Variants in PLAGL1 observed in about 807,000 individuals in gnomAD.
PLAGL1 encodes the protein zinc finger protein PLAGL1.
A neutral mutation model predicts 4.6 loss-of-function variants in PLAGL1; 1 was observed. The ratio of observed to expected loss-of-function variants is 0.22; its 90% CI spans 0.08 to 1.03. The LOEUF (loss-of-function observed/expected upper bound fraction) is 1.03. PLAGL1 is among the 50% of genes least tolerant of loss of function. The probability of loss-of-function intolerance (pLI) is 0.58; values close to 1 mark genes in which losing one functional copy is unlikely to be tolerated. For missense variants in PLAGL1, 464 were observed against 570.4 expected, an observed-to-expected ratio of 0.81 and a Z score of 1.90; for synonymous variants, 240 against 237.8, an observed-to-expected ratio of 1.01 and a Z score of -0.08.
chr6:143,980,376 C>G (rs1787653834), intron 2 of PLAGL1, among the ~76,000 whole-genome samples: 1 of 140,886 alleles, frequency 7.1e-6, no homozygotes, highest in Non-Finnish European at 1.5e-5. Context: ...ATGTGCTATT[C>G]ACTTTTTTCT....
chr6:144,030,975 G>A (rs538298368), intron 1 of PLAGL1, among the ~76,000 whole-genome samples: 35 of 152,130 alleles, frequency 2.3e-4, no homozygotes, highest in African/African-American at 7.0e-4. Flanking sequence ...TTACATTCCC[G>A]CCAACAATAT....
intron 7 of PLAGL1, among the ~76,000 whole-genome samples, chr6:143,946,654 G>A (rs957607834): frequency 2.0e-5 from 3 of 152,166 alleles, no homozygotes; most frequent in African/African-American, 7.2e-5. Flanking sequence ...ATTCTTTCAA[G>A]TGCCTTCCTC....
rs1798308250 is a variant in PLAGL1 at position 144,048,203 on chromosome 6, C to G, written c.-151+16265G>C. Among the ~76,000 whole-genome samples the G allele has an allele frequency of 6.6e-6, 1 of 152,230 alleles. No individual in the cohort carries two copies. Among genetic ancestry groups the G allele is most frequent in the African/African-American group, 2.4e-5 (1 of 41,464 alleles). ...TCTGTGGCTTTGCAGGGTACGGCCT[C>G]CCTCTTGGCTGCTTTCATGGGCTGG... On this transcript the variant is annotated intron_variant, in intron 1 of 3. Transcript: ENST00000437412. The surrounding 1 kb of genome is among the most constrained non-coding windows in gnomAD (Gnocchi z 4.8).
chr6:143,941,726 C>T lies in PLAGL1; in HGVS notation c.1090G>A (p.Glu364Lys). 1 of 1,614,210 alleles carries T rather than the reference C, an allele frequency of 6.2e-7. No homozygotes were observed. The highest frequency in any genetic ancestry group is 8.5e-7 in the Non-Finnish European group (1 of 1,180,028). Residue 364 changes from glutamate (E) to lysine (K), a missense_variant, in exon 8 of 8, where the codon GAG becomes AAG. Physicochemically the swap from Glu to Lys is moderately conservative, Grantham distance 56. Coordinates refer to ENST00000674357, the MANE Select transcript of PLAGL1 (RefSeq NM_001317162.2). The surrounding 1 kb of genome is among the most constrained non-coding windows in gnomAD (Gnocchi z 6.0). The part of the protein sequence containing the change: ...GNAGKVNLPK[E>K]LPADAVNLTI... ...AGGTTCACAGCATCTGCAGGCAGCT[C>T]CTTGGGCAGGTTTACTTTACCAGCA...
intron 1 of PLAGL1, among the ~76,000 whole-genome samples, chr6:144,054,301 A>G (rs1247050253): frequency 1.3e-5 from 2 of 152,230 alleles, no homozygotes; most frequent in South Asian, 2.1e-4. Flanking sequence ...TGTGTGTCGT[A>G]TGTTTATTGC....
In PLAGL1 at chr6:143,957,896, AT is replaced by A. The variant is rs1376814674; in HGVS notation, c.-325+2572del. On this transcript the variant is annotated intron_variant, in intron 6 of 7. Coordinates refer to ENST00000674357, the MANE Select transcript of PLAGL1 (RefSeq NM_001317162.2). This position sits in a 1 kb window ranked among gnomAD's most constrained non-coding sequence, Gnocchi z 4.2. ...GGATTTATAGATGACCTCATTGTTTATTTTTTGAATATCTGCACTTTCTAAA... is the reference window on the plus strand; with the variant it reads ...GGATTTATAGATGACCTCATTGTTTATTTTTGAATATCTGCACTTTCTAAA... Among the ~76,000 whole-genome samples, 2 of 152,212 alleles carry A rather than the reference AT, an allele frequency of 1.3e-5. No individual in the cohort carries two copies. The highest frequency in any genetic ancestry group is 1.3e-4 in the Admixed American group (2 of 15,284).
chr6:143,943,368 C>T (rs1779079422), intron 7 of PLAGL1, among the ~76,000 whole-genome samples: 1 of 152,084 alleles, frequency 6.6e-6, no homozygotes, highest in African/African-American at 2.4e-5. Flanking sequence ...GTTCCTAGTT[C>T]CTATGTTTCT....
chr6:144,007,118 T>C (rs929662794), intron 1 of PLAGL1: 3 of 152,224 alleles, frequency 2.0e-5, no homozygotes, highest in Non-Finnish European at 2.9e-5. Flanking sequence ...CTGTTAAATG[T>C]TCTTATCTAA....
In PLAGL1 at chr6:143,995,871, C is replaced by G. The variant is rs1233495233; in HGVS notation, c.-583-10697G>C. ...AATAATAAGTATTTCCATAAAATAC[C>G]TACATTACTGGCTATATTAATGGTG... On this transcript the variant is annotated intron_variant, in intron 1 of 7. Transcript: ENST00000674357. The surrounding 1 kb of genome is among the most constrained non-coding windows in gnomAD (Gnocchi z 4.4). Among the ~76,000 whole-genome samples the G allele has an allele frequency of 6.6e-6, 1 of 151,932 alleles. No individual in the cohort carries two copies. Among genetic ancestry groups the G allele is most frequent in the Non-Finnish European group, 1.5e-5 (1 of 67,994 alleles).
At chr6:144,057,401 T>G (rs1301101345) in intron 1 of PLAGL1, among the ~76,000 whole-genome samples, 1 of 152,190 alleles carries the variant, frequency 6.6e-6, no homozygotes, top group Non-Finnish European at 1.5e-5. Context: ...AAAATCACCT[T>G]TCTTCTCACC....
rs772859501 is a variant in PLAGL1, at chr6:143,941,559, C to T, written c.1257G>A (p.Gly419=). ...ESLPHRLSCL[G]QQQQEPPLAM... ...CAAGTGGGGGTTCTTGCTGCTGCTGCCCCAGACAGCTTAACCTGTGGGGCA... is the reference window on the plus strand; with the variant it reads ...CAAGTGGGGGTTCTTGCTGCTGCTGTCCCAGACAGCTTAACCTGTGGGGCA... The change falls in exon 8 of 8, where the codon GGG becomes GGA. Residue 419 remains glycine, a synonymous_variant. Transcript: ENST00000674357. The surrounding 1 kb of genome is among the most constrained non-coding windows in gnomAD (Gnocchi z 6.0). The T allele has an allele frequency of 1.3e-6, 2 of 1,585,742 alleles. No homozygotes were observed. Among genetic ancestry groups the T allele is most frequent in the East Asian group, 2.2e-5 (1 of 44,618 alleles).
At chr6:144,044,527 G>A (rs1206835104) in intron 1 of PLAGL1, among the ~76,000 whole-genome samples, 6 of 152,090 alleles carry the variant, frequency 3.9e-5, no homozygotes, top group African/African-American at 7.2e-5. Context: ...ATTTGATTGC[G>A]CTGTGGTCTG....
intron 1 of PLAGL1, among the ~76,000 whole-genome samples, chr6:144,003,171 GT>G (rs973483279): frequency 5.9e-5 from 9 of 152,042 alleles, no homozygotes; most frequent in African/African-American, 1.9e-4. Flanking sequence ...GAAAGGTGTT[GT>G]TTTTTTCAAT....
rs1796462473 is a variant in PLAGL1, at chr6:144,027,576, C to A, written c.-151+36892G>T. ...TCCCACCATCCTCCAGCACCAACTG[C>A]ACCCATGGAAAAGAACCTATAAAAG... is the stretch of plus-strand genomic sequence containing the variant. On this transcript the variant is annotated intron_variant, in intron 1 of 3. Coordinates refer to the PLAGL1 transcript ENST00000437412. This position sits in a 1 kb window ranked among gnomAD's most constrained non-coding sequence, Gnocchi z 5.8. Among the ~76,000 whole-genome samples, 1 of 152,194 alleles carries A rather than the reference C, an allele frequency of 6.6e-6. No homozygotes were observed. Among genetic ancestry groups the A allele is most frequent in the Non-Finnish European group, 1.5e-5 (1 of 68,034 alleles).
Position 143,983,074 on chromosome 6 carries a change from G to C in PLAGL1, c.-544+2061C>G, listed in dbSNP as rs1477989747. On this transcript the variant is annotated intron_variant, in intron 2 of 7. Coordinates refer to ENST00000674357, the MANE Select transcript of PLAGL1 (RefSeq NM_001317162.2). This position sits in a 1 kb window ranked among gnomAD's most constrained non-coding sequence, Gnocchi z 6.6. ...TGTGCTCAGGGACAGCCAATGTTTG[G>C]AGGTCAGGACAATGAGGATGTAACT... Among the ~76,000 whole-genome samples, 2 of 152,174 alleles carry C rather than the reference G, an allele frequency of 1.3e-5. No individual in the cohort carries two copies. Among genetic ancestry groups the C allele is most frequent in the African/African-American group, 4.8e-5 (2 of 41,436 alleles).
rs149639604 is a variant in PLAGL1 at position 143,956,858 on chromosome 6, G to T, written c.-325+3611C>A. Among the ~76,000 whole-genome samples, 67 of 152,358 alleles carry T rather than the reference G, an allele frequency of 4.4e-4. 1 individual carries two copies. In the East Asian group the frequency reaches 9.1e-3, roughly 21 times the overall value. On this transcript the variant is annotated intron_variant, in intron 6 of 7. Coordinates refer to ENST00000674357, the MANE Select transcript of PLAGL1 (RefSeq NM_001317162.2). ...GATGCTGAACTACCAAGGGGGAAGGGATGACTCTGATGAGCAGGGAGCTGG... is the reference window on the plus strand; with the variant it reads ...GATGCTGAACTACCAAGGGGGAAGGTATGACTCTGATGAGCAGGGAGCTGG...
At position 144,023,637 on chromosome 6, in the gene PLAGL1, A is replaced by C. The variant is rs1204160712; in HGVS notation, c.-151+40831T>G. ...CATGCACAATGGGAATGGCCAAGTA[A>C]GTAATTAGATGGTAGGTGGTGGGAG... On this transcript the variant is annotated intron_variant, in intron 1 of 3. Coordinates refer to the PLAGL1 transcript ENST00000437412. Among the ~76,000 whole-genome samples, 23 of 152,196 alleles carry C rather than the reference A, an allele frequency of 1.5e-4. 1 individual carries two copies. The highest frequency in any genetic ancestry group is 1.5e-3 in the Admixed American group (23 of 15,286).
chr6:144,027,260 AAAGAAAGAAAGAAAG>A lies in PLAGL1; in HGVS notation c.-151+37193_-151+37207del, dbSNP rs1796430560. On this transcript the variant is annotated intron_variant, in intron 1 of 3. Transcript: ENST00000437412. The surrounding 1 kb of genome is among the most constrained non-coding windows in gnomAD (Gnocchi z 5.8). ...GAAAGAAAGAAAGAAAGAAAGAAAG[AAAGAAAGAAAGAAAG>A]AAAGAAAGAAAGAAAGAAAGTTATT... Among the ~76,000 whole-genome samples the A allele has an allele frequency of 6.9e-6, 1 of 145,646 alleles. No homozygotes were observed. The highest frequency in any genetic ancestry group is 1.5e-5 in the Non-Finnish European group (1 of 66,262).
rs936730629 is a variant in PLAGL1 at position 144,064,002 on chromosome 6, G to C, written c.-151+466C>G. ...GCTGGCACTTGAGATTCTCCCGTTG[G>C]GGTGGTTCAGCAATGATCACCCCGC... On this transcript the variant is annotated intron_variant, in intron 1 of 3. Transcript: ENST00000437412. The surrounding 1 kb of genome is among the most constrained non-coding windows in gnomAD (Gnocchi z 6.8). Among the ~76,000 whole-genome samples the C allele has an allele frequency of 6.6e-6, 1 of 152,110 alleles. No individual in the cohort carries two copies. Among genetic ancestry groups the C allele is most frequent in the Non-Finnish European group, 1.5e-5 (1 of 67,994 alleles).
Sources: allele counts gnomAD v4.1 joint callset (sites outside exome capture counted in the v4.1 genomes callset), GRCh38; gene constraint gnomAD v4.1.1; non-coding constraint Gnocchi (gnomAD v3.1); transcripts MANE v1.5; gene names NCBI Gene and HGNC (gene_info 2026-07-23, HGNC 2026-07-21).